The following COL11A1 variants were observed in gnomAD, a reference collection of about 807,000 sequenced individuals.
The protein encoded by COL11A1 is collagen alpha-1(XI) chain.
In COL11A1, 74 loss-of-function variants were observed where a neutral mutation model predicts 265.2. The observed-to-expected ratio is 0.28, with a 90% CI of 0.23 to 0.34. The LOEUF (loss-of-function observed/expected upper bound fraction) is 0.34, where lower values mean the gene tolerates loss of function less well. Among genes scored for constraint, COL11A1 ranks in the 10% least tolerant of loss-of-function variants. The pLI is 1.00. For synonymous variants in COL11A1, 816 were observed against 727.6 expected (o/e 1.12, Z -1.96); for missense variants, 2,165 against 2,263.6 (o/e 0.96, Z 0.88).
intron 4 of COL11A1, among the ~76,000 whole-genome samples, chr1:103,042,556 C>T (rs957499242): frequency 6.6e-6 from 1 of 152,030 alleles, no homozygotes; most frequent in African/African-American, 2.4e-5. Flanking sequence ...CCGGGACAGA[C>T]ATGGAAGCTA....
chr1:103,051,376 T>C (rs1428347300), intron 4 of COL11A1, among the ~76,000 whole-genome samples: 1 of 152,156 alleles, frequency 6.6e-6, no homozygotes, highest in African/African-American at 2.4e-5. Flanking sequence ...TCAGTGAGAC[T>C]CCGTGGGCAC....
chr1:102,908,198 C>T (rs939406117), intron 54 of COL11A1, among the ~76,000 whole-genome samples: 1 of 151,904 alleles, frequency 6.6e-6, no homozygotes, highest in Admixed American at 6.6e-5. Context: ...GTGTCAAATA[C>T]TTTTTCATGC....
intron 41 of COL11A1, among the ~76,000 whole-genome samples, chr1:102,956,751 A>G (rs1660406589): frequency 6.6e-6 from 1 of 151,934 alleles, no homozygotes; most frequent in African/African-American, 2.4e-5. Flanking sequence ...TACTTTTGAT[A>G]GTAAGTTGTG....
chr1:102,978,819 A>T, intron 34 of COL11A1, 41 bp downstream of exon 34: 1 of 1,614,048 alleles, frequency 6.2e-7, no homozygotes. Context: ...CTGGAAAAAA[A>T]ATCTACAGTA....
chr1:103,009,658 C>G (rs1045290404), intron 14 of COL11A1, among the ~76,000 whole-genome samples: 3 of 152,112 alleles, frequency 2.0e-5, no homozygotes, highest in African/African-American at 7.2e-5. Flanking sequence ...TAAATCCATA[C>G]ACATTCCATT....
chr1:102,976,853 G>A (rs1226943060), intron 35 of COL11A1, among the ~76,000 whole-genome samples: 1 of 151,934 alleles, frequency 6.6e-6, no homozygotes, highest in South Asian at 2.1e-4. Context: ...TTCCATTTTT[G>A]TTTTGTTTTC....
chr1:103,067,367 A>G (rs1009216105), intron 4 of COL11A1, among the ~76,000 whole-genome samples: 2 of 151,834 alleles, frequency 1.3e-5, no homozygotes, highest in African/African-American at 4.8e-5. Flanking sequence ...TCTAGATATT[A>G]AACATCACTG....
At chr1:102,934,583 C>T in intron 45 of COL11A1, 27 bp from the exon 46 acceptor site, 1 of 1,546,982 alleles carries the variant, frequency 6.5e-7, no homozygotes, top group Non-Finnish European at 8.9e-7. Context: ...AACATTATCA[C>T]AAACTGGAAA....
Position 102,946,065 on chromosome 1 carries a change from A to T in COL11A1, c.3276+784T>A, listed in dbSNP as rs574730507. Among the ~76,000 whole-genome samples the T allele has an allele frequency of 1.7e-3, 242 of 139,626 alleles. 1 individual carries two copies. Among genetic ancestry groups the T allele is most frequent in the Admixed American group, 4.7e-3 (63 of 13,356 alleles). The allele number at this position is 139,626 out of a possible 152,430, so 91.6% of individuals were successfully genotyped here. A position where few individuals can be genotyped will look rare whatever the true frequency, so the allele number is the denominator to read the frequency against. On this transcript the variant is annotated intron_variant, in intron 42 of 66. Transcript: ENST00000370096. Reference sequence around the variant, plus strand: ...AATTGGAAATCATCATTCTCAGTAAACTATCGCAAGGACAAAAAACCAAAC... The same window carrying T: ...AATTGGAAATCATCATTCTCAGTAATCTATCGCAAGGACAAAAAACCAAAC...
intron 46 of COL11A1, among the ~76,000 whole-genome samples, chr1:102,932,494 A>T (rs1377910185): frequency 2.0e-5 from 3 of 152,030 alleles, no homozygotes; most frequent in African/African-American, 7.2e-5. Context: ...TTTGAGGGTA[A>T]CCCGACCTTT....
chr1:103,046,429 T>C (rs1417824711), intron 4 of COL11A1, among the ~76,000 whole-genome samples: 1 of 151,914 alleles, frequency 6.6e-6, no homozygotes, highest in Non-Finnish European at 1.5e-5. Flanking sequence ...GTTCATATCC[T>C]TTGCCCACTT....
intron 4 of COL11A1, among the ~76,000 whole-genome samples, chr1:103,054,560 A>C (rs1298411047): frequency 1.3e-5 from 2 of 152,110 alleles, no homozygotes; most frequent in African/African-American, 4.8e-5. Context: ...TAATAAATGA[A>C]AAAAGGGTGT....
At chr1:103,088,213 T>C (rs1673030199) in intron 1 of COL11A1, among the ~76,000 whole-genome samples, 2 of 152,220 alleles carry the variant, frequency 1.3e-5, no homozygotes, top group Non-Finnish European at 2.9e-5. Flanking sequence ...ATTACAGTGT[T>C]AAAGAGCAAA....
intron 54 of COL11A1, among the ~76,000 whole-genome samples, chr1:102,910,191 G>A (rs2622837): frequency 6.6e-6 from 1 of 151,530 alleles, no homozygotes; most frequent in Admixed American, 6.6e-5. Context: ...TCTTTAATAG[G>A]TTATTTTATT....
At chr1:103,013,090 C>A (rs943210155) in intron 13 of COL11A1, among the ~76,000 whole-genome samples, 1 of 151,942 alleles carries the variant, frequency 6.6e-6, no homozygotes, top group African/African-American at 2.4e-5. Flanking sequence ...ACATACAGTA[C>A]AAAAGATAAA....
intron 1 of COL11A1, among the ~76,000 whole-genome samples, chr1:103,087,569 C>A (rs757274183): frequency 8.5e-5 from 13 of 152,204 alleles, no homozygotes; most frequent in Non-Finnish European, 1.9e-4. Context: ...GTCCCTCATT[C>A]TGTCCTCATT....
intron 36 of COL11A1, among the ~76,000 whole-genome samples, chr1:102,972,554 A>G (rs1662066761): frequency 6.6e-6 from 1 of 152,174 alleles, no homozygotes; most frequent in Admixed American, 6.5e-5. Flanking sequence ...CTAAATAAAT[A>G]TAAAGGCCAC....
At chr1:103,091,766 G>A (rs1571261456) in intron 1 of COL11A1, among the ~76,000 whole-genome samples, 1 of 151,858 alleles carries the variant, frequency 6.6e-6, no homozygotes, top group Non-Finnish European at 1.5e-5. Context: ...GGCATAAAAT[G>A]GCTTAAGATT....
In COL11A1 at chr1:102,984,576, G is replaced by A. The variant is rs79560727; in HGVS notation, c.2503-385C>T. ...AGTGATGTAACTGGCACAATATTTA[G>A]ATTTTATCCCTTCAACCAGAGTAAA... is the stretch of plus-strand genomic sequence containing the variant. On this transcript the variant is annotated intron_variant, in intron 30 of 66. Transcript: ENST00000370096. Among the ~76,000 whole-genome samples the A allele has an allele frequency of 9.9e-4, 150 of 152,030 alleles. 1 individual carries two copies. In the East Asian group the frequency reaches 0.022, roughly 22 times the overall value.
Sources: allele counts gnomAD v4.1 joint callset (sites outside exome capture counted in the v4.1 genomes callset), GRCh38; gene constraint gnomAD v4.1.1; transcripts MANE v1.5; gene names NCBI Gene and HGNC (gene_info 2026-07-23, HGNC 2026-07-21).